Variants in SFXN4 observed in about 807,000 individuals in gnomAD.
The protein encoded by SFXN4 is sideroflexin 4.
SFXN4 carries 48 observed loss-of-function variants against 54.6 expected under a neutral mutation model. That is an observed-to-expected ratio of 0.88 (90% CI 0.70 to 1.12). SFXN4 has a LOEUF of 1.12. SFXN4 is among the 50% of genes most tolerant of loss of function. SFXN4 has a pLI of 0.00. For synonymous variants in SFXN4, 130 were observed against 145.5 expected, an observed-to-expected ratio of 0.89 and a Z score of 0.77; for missense variants, 383 against 409.2, an observed-to-expected ratio of 0.94 and a Z score of 0.55.
chr10:119,161,189 C>G, intron 3 of SFXN4, 108 bp from the exon 4 acceptor site: 1 of 1,050,882 alleles, frequency 9.5e-7, no homozygotes, highest in Non-Finnish European at 1.4e-6. Context: ...TCATCACTCA[C>G]TGCAGAACAG....
chr10:119,149,418 C>CA (rs1288245565), intron 11 of SFXN4, among the ~76,000 whole-genome samples: 2 of 152,106 alleles, frequency 1.3e-5, no homozygotes, highest in African/African-American at 2.4e-5. Flanking sequence ...CTTTCCCCCC[C>CA]ACAAAAGAGA....
chr10:119,159,820 GA>G, intron 5 of SFXN4, 67 bp from the exon 6 acceptor site: 1 of 1,548,710 alleles, frequency 6.5e-7, no homozygotes, highest in East Asian at 2.2e-5. Context: ...GCCAGAAGGG[GA>G]CTACCCACCT....
chr10:119,142,183 G>A (rs1846556356), intron 13 of SFXN4, among the ~76,000 whole-genome samples: 3 of 152,234 alleles, frequency 2.0e-5, no homozygotes, highest in Non-Finnish European at 4.4e-5. Flanking sequence ...CTGGGCAACA[G>A]AGTGAGAAAC....
Position 119,160,482 on chromosome 10 carries a change from C to CT in SFXN4, c.334+432dup, listed in dbSNP as rs1847477207. Among the ~76,000 whole-genome samples the CT allele has an allele frequency of 3.4e-5, 5 of 146,992 alleles. No individual in the cohort carries two copies. In the South Asian group the frequency reaches 1.1e-3, roughly 32 times the overall value. On this transcript the variant is annotated intron_variant, in intron 5 of 13. Transcript: ENST00000355697. ...AGTGAGCCGAGATTGTGCCACTGAACTCCAGCCTAGGTGACAGAGCAAGAC... is the reference window on the plus strand; with the variant it reads ...AGTGAGCCGAGATTGTGCCACTGAACTTCCAGCCTAGGTGACAGAGCAAGAC...
intron 13 of SFXN4, among the ~76,000 whole-genome samples, chr10:119,141,887 A>T (rs1320634352): frequency 6.6e-6 from 1 of 152,064 alleles, no homozygotes; most frequent in Non-Finnish European, 1.5e-5. Flanking sequence ...GTGTGGTGGC[A>T]CACACCTGTA....
chr10:119,155,280 G>A (rs2133602730), intron 10 of SFXN4, 103 bp from the exon 11 acceptor site: 2 of 788,876 alleles, frequency 2.5e-6, no homozygotes, highest in South Asian at 1.6e-5. Flanking sequence ...CTCTTTCTCT[G>A]ACAGCTGGCC....
intron 13 of SFXN4, among the ~76,000 whole-genome samples, chr10:119,145,232 C>T (rs1044860467): frequency 2.0e-4 from 30 of 151,816 alleles, no homozygotes; most frequent in East Asian, 5.8e-4. Context: ...ATGAAGATGA[C>T]GAGGATGAAG....
At chr10:119,163,031 C>T (rs756571857) in intron 2 of SFXN4, among the ~76,000 whole-genome samples, 2 of 152,106 alleles carry the variant, frequency 1.3e-5, no homozygotes, top group Non-Finnish European at 2.9e-5. Flanking sequence ...TTCTTATTCT[C>T]GAGAGATCCT....
chr10:119,156,629 C>T (rs1266008491), intron 10 of SFXN4, 49 bp downstream of exon 10: 55 of 1,427,118 alleles, frequency 3.9e-5, no homozygotes, highest in Non-Finnish European at 5.3e-5. Flanking sequence ...GGCTCACAGA[C>T]CACAAAGACA....
chr10:119,153,077 C>T (rs1001029439), intron 11 of SFXN4, among the ~76,000 whole-genome samples: 4 of 152,288 alleles, frequency 2.6e-5, no homozygotes, highest in Non-Finnish European at 4.4e-5. Flanking sequence ...CAGGTTCTCA[C>T]GGCTGAATGC....
rs1396596161 is a variant in SFXN4, at chr10:119,154,358, T to C, written c.732+704A>G. ...AGGCCTGCCCTGCAGATTCCCACAA[T>C]TGTGTAAGCCAATTCCTTAGAACAA... On this transcript the variant is annotated intron_variant, in intron 11 of 13. Coordinates refer to ENST00000355697, the MANE Select transcript of SFXN4 (RefSeq NM_213649.2). Among the ~76,000 whole-genome samples, 8 of 152,100 alleles carry C rather than the reference T, an allele frequency of 5.3e-5. No individual in the cohort carries two copies. The East Asian group carries it at 9.7e-4, about 19-fold the overall frequency.
At chr10:119,144,330 G>A (rs547594989) in intron 13 of SFXN4, among the ~76,000 whole-genome samples, 86 of 152,102 alleles carry the variant, frequency 5.7e-4, no homozygotes, top group African/African-American at 1.8e-3. Context: ...GGTGGCGGGC[G>A]CCTGTAGTCC....
chr10:119,159,052 G>A (rs911661556), intron 6 of SFXN4, among the ~76,000 whole-genome samples: 2 of 152,094 alleles, frequency 1.3e-5, no homozygotes, highest in Admixed American at 1.3e-4. Context: ...GGCCAAGGTG[G>A]GTGGATCACC....
chr10:119,153,852 C>A (rs1420635092), intron 11 of SFXN4, among the ~76,000 whole-genome samples: 1 of 152,146 alleles, frequency 6.6e-6, no homozygotes, highest in Non-Finnish European at 1.5e-5. Flanking sequence ...TCTGCAGACA[C>A]AGGGCACGTC....
At chr10:119,156,168 A>G (rs935609851) in intron 10 of SFXN4, among the ~76,000 whole-genome samples, 1 of 152,192 alleles carries the variant, frequency 6.6e-6, no homozygotes, top group Admixed American at 6.5e-5. Context: ...CATGCCTGTA[A>G]TCCCAGCATT....
chr10:119,155,803 G>GGTT (rs1847259219), intron 10 of SFXN4, among the ~76,000 whole-genome samples: 2 of 151,960 alleles, frequency 1.3e-5, no homozygotes, highest in Admixed American at 6.6e-5. Context: ...AAAGTTGTAA[G>GGTT]GTTTCTATAA....
chr10:119,160,804 T>C (rs1292331332), intron 5 of SFXN4, 111 bp downstream of exon 5: 1 of 1,075,220 alleles, frequency 9.3e-7, no homozygotes, highest in Non-Finnish European at 1.4e-6. Context: ...TTCACCATGT[T>C]GGCCAGGCTG....
At chr10:119,164,416 GC>G (rs1847684771) in intron 1 of SFXN4, among the ~76,000 whole-genome samples, 1 of 152,168 alleles carries the variant, frequency 6.6e-6, no homozygotes, top group Non-Finnish European at 1.5e-5. Context: ...AGGCAACACA[GC>G]CAGGAAATGA....
chr10:119,153,458 A>T (rs2133597226), intron 11 of SFXN4, among the ~76,000 whole-genome samples: 1 of 152,188 alleles, frequency 6.6e-6, no homozygotes, highest in East Asian at 1.9e-4. Flanking sequence ...GAAGAAACTA[A>T]TAGTAAAAAT....
Sources: allele counts gnomAD v4.1 joint callset (sites outside exome capture counted in the v4.1 genomes callset), GRCh38; gene constraint gnomAD v4.1.1; transcripts MANE v1.5; gene names NCBI Gene and HGNC (gene_info 2026-07-23, HGNC 2026-07-21).